The following THOC2 variants were observed in gnomAD, a reference collection of about 807,000 sequenced individuals.
THOC2 encodes THO complex subunit 2.
Under a neutral mutation model 128.4 loss-of-function variants are expected in THOC2, and 10 were observed. The observed-to-expected ratio is 0.08, with a 90% CI of 0.05 to 0.13. THOC2 has a LOEUF of 0.13. Among genes scored for constraint, THOC2 ranks in the 10% least tolerant of loss-of-function variants. The pLI is 1.00. For missense variants in THOC2, 535 were observed against 1,155.7 expected (o/e 0.46, Z 7.79); for synonymous variants, 393 against 396.9 (o/e 0.99, Z 0.12).
At chrX:123,711,135 C>T (rs1295047431) in intron 2 of THOC2, among the ~76,000 whole-genome samples, 2 of 104,876 alleles carry the variant, frequency 1.9e-5, no homozygotes, top group African/African-American at 6.9e-5. Context: ...TCTCGTACCT[C>T]AGCCTCCTGA....
chrX:123,648,687 C>G (rs1194610877), intron 12 of THOC2, among the ~76,000 whole-genome samples: 1 of 109,762 alleles, frequency 9.1e-6, no homozygotes, highest in Non-Finnish European at 1.9e-5. Flanking sequence ...ACAGTGTAAA[C>G]AAAGCTGCTG....
chrX:123,644,796 T>C lies in THOC2; in HGVS notation c.1542A>G (p.Thr514=). The C allele has an allele frequency of 8.3e-7, 1 of 1,201,153 alleles. No homozygotes were observed. Among genetic ancestry groups the C allele is most frequent in the Non-Finnish European group, 1.1e-6 (1 of 888,812 alleles). ...MSEELWGMFK[T]FPYQHRYRLY... is the part of the protein sequence containing the mutation. ...GTATTTACCTATGCTGATATGGAAATGTTTTAAACATTCCCCATAGTTCCT... is the reference window on the plus strand; with the variant it reads ...GTATTTACCTATGCTGATATGGAAACGTTTTAAACATTCCCCATAGTTCCT... Residue 514 remains threonine, a synonymous_variant, in exon 14 of 39, where the codon ACA becomes ACG. Transcript: ENST00000245838.
At chrX:123,686,963 T>C (rs2050025002) in intron 7 of THOC2, among the ~76,000 whole-genome samples, 1 of 111,824 alleles carries the variant, frequency 8.9e-6, no homozygotes, top group Non-Finnish European at 1.9e-5. Flanking sequence ...CCAGGACCAG[T>C]GATACCAGTC....
rs754273264 is a variant in THOC2 at position 123,622,650 on chromosome X, C to T, written c.3785+108G>A. On this transcript the variant is annotated intron_variant, in intron 30 of 38. Coordinates refer to ENST00000245838, the MANE Select transcript of THOC2 (RefSeq NM_001081550.2). ...GGTGGATCGCTTGAGGCCAGAAGTT[C>T]GAGACCAGCCTGGGCAACATTGCAA... 284 of 514,443 alleles carry T rather than the reference C, an allele frequency of 5.5e-4. 1 individual carries two copies. The highest frequency in any genetic ancestry group is 1.1e-3 in the Admixed American group (26 of 23,825). The allele number at this position is 514,443 out of a possible 1,213,427, so 42.4% of individuals were successfully genotyped here.
intron 1 of THOC2, among the ~76,000 whole-genome samples, chrX:123,720,307 T>C (rs1240989976): frequency 1.9e-5 from 2 of 104,189 alleles, no homozygotes; most frequent in African/African-American, 3.6e-5. Flanking sequence ...AATTAGCGGG[T>C]CATGGTGGCA....
intron 21 of THOC2, among the ~76,000 whole-genome samples, chrX:123,632,383 C>T (rs1206340738): frequency 1.9e-5 from 2 of 103,818 alleles, no homozygotes; most frequent in Middle Eastern, 4.6e-3. Flanking sequence ...CCCAGCTACT[C>T]GGGAGGCTGA....
intron 7 of THOC2, among the ~76,000 whole-genome samples, chrX:123,692,213 C>T (rs968629379): frequency 1.8e-5 from 2 of 111,801 alleles, no homozygotes; most frequent in African/African-American, 6.5e-5. Flanking sequence ...ACAAAGGAGT[C>T]CACCTGTGAT....
intron 7 of THOC2, among the ~76,000 whole-genome samples, chrX:123,688,365 C>CAAA (rs757633259): frequency 1.7e-4 from 19 of 112,018 alleles, no homozygotes; most frequent in African/African-American, 6.1e-4. Context: ...ATAAGCCAGA[C>CAAA]AAAAACAGTA....
At chrX:123,703,132 T>C (rs1275861859) in intron 4 of THOC2, among the ~76,000 whole-genome samples, 1 of 112,033 alleles carries the variant, frequency 8.9e-6, no homozygotes, top group African/African-American at 3.2e-5. Flanking sequence ...ACATCATTCA[T>C]TGAAAACCTG....
chrX:123,650,519 TG>T (rs758256600), intron 12 of THOC2, among the ~76,000 whole-genome samples: 1 of 111,879 alleles, frequency 8.9e-6, no homozygotes, highest in Admixed American at 9.5e-5. Flanking sequence ...ACTAGGAAAT[TG>T]GATAGGGTCA....
At chrX:123,635,764 T>C (rs1431825597) in intron 19 of THOC2, among the ~76,000 whole-genome samples, 1 of 111,944 alleles carries the variant, frequency 8.9e-6, no homozygotes, top group East Asian at 2.8e-4. Flanking sequence ...CAGTATGTTT[T>C]GTTATACGAA....
rs771949215 is a variant in THOC2, at chrX:123,623,130, C to T, written c.3657G>A (p.Ser1219=). 6.6e-6 allele frequency: 8 copies of T among 1,209,758 alleles called. No homozygotes were observed. The highest frequency in any genetic ancestry group is 1.8e-5 in the South Asian group (1 of 56,424). ...SSSSIGSASK[S]DESSTEETDK... ...CAGTCTCCTCAGTACTGCTTTCATC[C>T]GATTTAGATGCACTTCCTATTGATG... Residue 1219 remains serine, a synonymous_variant, in exon 29 of 39, where the codon TCG becomes TCA. Transcript: ENST00000245838.
At chrX:123,610,990 C>T in intron 37 of THOC2, 27 bp from the exon 38 acceptor site, 1 of 1,200,865 alleles carries the variant, frequency 8.3e-7, no homozygotes, top group Non-Finnish European at 1.1e-6. Flanking sequence ...GGGAAAACAA[C>T]TTTTGGGAAT....
intron 38 of THOC2, chrX:123,602,191 T>C (rs990925689): frequency 8.9e-6 from 1 of 112,745 alleles, no homozygotes; most frequent in African/African-American, 3.2e-5. Flanking sequence ...ATCACTTACA[T>C]GAAATGCTGA....
intron 1 of THOC2, among the ~76,000 whole-genome samples, chrX:123,730,820 T>C (rs909133735): frequency 8.9e-6 from 1 of 111,932 alleles, no homozygotes; most frequent in African/African-American, 3.2e-5. Flanking sequence ...AGCACGCGCC[T>C]GTAGTCCCAG....
At chrX:123,657,897 TAAC>T (rs2048665111) in intron 12 of THOC2, among the ~76,000 whole-genome samples, 1 of 110,806 alleles carries the variant, frequency 9.0e-6, no homozygotes, top group African/African-American at 3.3e-5. Context: ...TTAACTAATA[TAAC>T]AAAAATAAGT....
intron 3 of THOC2, 129 bp downstream of exon 3, chrX:123,706,729 T>C: frequency 6.3e-6 from 2 of 317,726 alleles, no homozygotes; most frequent in Non-Finnish European, 1.1e-5. Context: ...GTTAAAAAAA[T>C]AAAATTTTAA....
At chrX:123,677,705 C>T (rs1360255605) in intron 8 of THOC2, among the ~76,000 whole-genome samples, 1 of 108,967 alleles carries the variant, frequency 9.2e-6, no homozygotes, top group African/African-American at 3.3e-5. Context: ...TCCATCTCTA[C>T]TAAAAATACA....
At chrX:123,658,689 G>A (rs1356480010) in intron 12 of THOC2, among the ~76,000 whole-genome samples, 1 of 112,338 alleles carries the variant, frequency 8.9e-6, no homozygotes, top group Non-Finnish European at 1.9e-5. Context: ...GTTGCCAGGG[G>A]TTGTGAGGAG....
Sources: gnomAD v4.1 joint callset for allele counts (sites outside exome capture counted in the v4.1 genomes callset) on GRCh38, gnomAD v4.1.1 for gene constraint, MANE v1.5 for transcripts, NCBI Gene and HGNC (gene_info 2026-07-23, HGNC 2026-07-21) for gene names.